Variants in METTL14 observed in about 807,000 individuals in gnomAD.
METTL14 encodes the protein methyltransferase 14, N6-adenosine-methyltransferase non-catalytic subunit.
Under a neutral mutation model 62.4 loss-of-function variants are expected in METTL14, and 32 were observed. That is an observed-to-expected ratio of 0.51 (90% CI 0.39 to 0.69). METTL14 has a LOEUF of 0.69. Ranked by LOEUF, METTL14 falls within the 30% of genes least tolerant of loss-of-function variation. METTL14 has a pLI of 0.00. For missense variants in METTL14, 340 were observed against 551.9 expected (o/e 0.62, Z 3.85); for synonymous variants, 150 against 180.0 (o/e 0.83, Z 1.34).
Position 118,696,811 on chromosome 4 carries a change from A to G in METTL14, c.504-371A>G, listed in dbSNP as rs552435800. Among the ~76,000 whole-genome samples, 341 of 152,286 alleles carry G rather than the reference A, an allele frequency of 2.2e-3. 3 individuals are homozygous for G. Among genetic ancestry groups the G allele is most frequent in the African/African-American group, 7.9e-3 (328 of 41,562 alleles). On this transcript the variant is annotated intron_variant, in intron 6 of 10. Coordinates refer to ENST00000388822, the MANE Select transcript of METTL14 (RefSeq NM_020961.4). ...GAACAATTGAGAATAAAACAATGTG[A>G]TATTCCTTAGAAAATTCAGATGAGA...
intron 7 of METTL14, 59 bp from the exon 8 acceptor site, chr4:118,700,491 G>A (rs1724556298): frequency 7.4e-7 from 1 of 1,345,528 alleles, no homozygotes; most frequent in Non-Finnish European, 1.1e-6. Context: ...TGTTCTTTTG[G>A]ATTTAGGATG....
At position 118,705,245 on chromosome 4, in the gene METTL14, TA is replaced by T. The variant is rs1724719428; in HGVS notation, c.856-365del. Reference sequence around the variant, plus strand: ...ATCCCAGCACTTTGGGAGGCCGAGGTAGGTAGACCACTTGAGCCCAGGAATT... The same window carrying T: ...ATCCCAGCACTTTGGGAGGCCGAGGTGGTAGACCACTTGAGCCCAGGAATT... On this transcript the variant is annotated intron_variant, in intron 9 of 10. Coordinates refer to ENST00000388822, the MANE Select transcript of METTL14 (RefSeq NM_020961.4). Among the ~76,000 whole-genome samples, 3 of 151,996 alleles carry T rather than the reference TA, an allele frequency of 2.0e-5. No individual in the cohort carries two copies. In the South Asian group the frequency reaches 6.2e-4, roughly 32 times the overall value.
chr4:118,705,146 A>G lies in METTL14; in HGVS notation c.856-465A>G, dbSNP rs568577512. On this transcript the variant is annotated intron_variant, in intron 9 of 10. Transcript: ENST00000388822. ...TTTACATGGCAGTCTTTCCTCATCCAGAGATCCAGGTTTTCCTGTTGTTTT... is the reference window on the plus strand; with the variant it reads ...TTTACATGGCAGTCTTTCCTCATCCGGAGATCCAGGTTTTCCTGTTGTTTT... Among the ~76,000 whole-genome samples the G allele has an allele frequency of 2.0e-5, 3 of 152,280 alleles. No individual in the cohort carries two copies. In the South Asian group the frequency reaches 6.2e-4, roughly 32 times the overall value.
chr4:118,685,727 C>G, intron 1 of METTL14, 127 bp downstream of exon 1: 1 of 775,132 alleles, frequency 1.3e-6, no homozygotes, highest in Non-Finnish European at 2.2e-6. Context: ...TCTGGTCCTG[C>G]GATCTTGATC....
rs1274180472 is a variant in METTL14 at position 118,691,989 on chromosome 4, G to T, written c.333G>T (p.Gln111His). 6.2e-7 allele frequency: 1 copy of T among 1,605,598 alleles called. No individual in the cohort carries two copies. The highest frequency in any genetic ancestry group is 8.5e-7 in the Non-Finnish European group (1 of 1,175,188). The change falls in exon 5 of 11, where the codon CAG becomes CAT. Residue 111 changes from glutamine to histidine, a missense_variant. Physicochemically the swap from Gln to His is conservative, Grantham distance 24 (BLOSUM62 0). Around this residue, in one of 7 missense-constraint regions of METTL14, gnomAD observed 16 missense variants for 70.3 expected, o/e 0.23. Transcript: ENST00000388822. ...KDSSTFLKGT[Q>H]SLNPHNDYCQ... ...TTTGTTTTTTAATTTAGGGAACACA[G>T]AGCTTAAATCCCCATAATGATTACT...
chr4:118,709,847 C>T, intron 10 of METTL14, 151 bp from the exon 11 acceptor site: 1 of 720,870 alleles, frequency 1.4e-6, no homozygotes, highest in South Asian at 2.2e-5. Context: ...AAAACATGAC[C>T]ACAATTAAGT....
chr4:118,687,561 T>A (rs932037110), intron 1 of METTL14, among the ~76,000 whole-genome samples: 6 of 152,232 alleles, frequency 3.9e-5, no homozygotes, highest in African/African-American at 1.4e-4. Context: ...AAACCCATCA[T>A]AAGTGGAAAA....
chr4:118,705,514 A>T lies in METTL14; in HGVS notation c.856-97A>T, dbSNP rs901176590. On this transcript the variant is annotated intron_variant, in intron 9 of 10. Transcript: ENST00000388822. ...AACTGTATCCCAAAGATTCCGAGAA[A>T]TGAGGATTGTTTTAGAATTGAGGAC... 12 of 976,654 alleles carry T rather than the reference A, an allele frequency of 1.2e-5. No homozygotes were observed. In the African/African-American group the frequency reaches 1.8e-4, roughly 15 times the overall value. The allele number at this position is 976,654 out of a possible 1,614,324, so 60.5% of individuals were successfully genotyped here.
At chr4:118,696,009 C>A (rs1724397558) in intron 6 of METTL14, among the ~76,000 whole-genome samples, 1 of 145,812 alleles carries the variant, frequency 6.9e-6, no homozygotes, top group Non-Finnish European at 1.5e-5. Context: ...ATTCGGGAGG[C>A]AGAGGCTGAG....
chr4:118,712,963 G>A lies in METTL14; in HGVS notation c.*2661G>A, dbSNP rs1420649582. 6.6e-6 allele frequency: 1 copy of A among 152,142 alleles called. No individual in the cohort carries two copies. Among genetic ancestry groups the A allele is most frequent in the East Asian group, 1.9e-4 (1 of 5,178 alleles). 9.4% of individuals were successfully genotyped at this position (152,142 alleles called of 1,614,324 possible). ...TCAGGAGAACAGATTTTATGGTGTGGAATACCATACCTAAACACAAATGAA... is the reference window on the plus strand; with the variant it reads ...TCAGGAGAACAGATTTTATGGTGTGAAATACCATACCTAAACACAAATGAA... On this transcript the variant is annotated 3_prime_UTR_variant, in exon 11 of 11. Coordinates refer to ENST00000388822, the MANE Select transcript of METTL14 (RefSeq NM_020961.4).
intron 6 of METTL14, among the ~76,000 whole-genome samples, chr4:118,694,863 G>T (rs1468486489): frequency 1.3e-5 from 2 of 151,832 alleles, no homozygotes; most frequent in Non-Finnish European, 2.9e-5. Flanking sequence ...GTGTAGTGGC[G>T]CAATCTTGGC....
chr4:118,710,235 G>C lies in METTL14; in HGVS notation c.1304G>C (p.Arg435Pro). The C allele has an allele frequency of 3.7e-6, 6 of 1,614,170 alleles. No homozygotes were observed. The highest frequency in any genetic ancestry group is 5.1e-6 in the Non-Finnish European group (6 of 1,180,022). The change falls in exon 11 of 11, where the codon CGA becomes CCA. Residue 435 changes from arginine (R) to proline (P), a missense_variant. Arg to Pro is a moderately radical substitution (Grantham distance 103). This residue lies in a region of METTL14 where 44 missense variants were observed against 56.4 expected (regional missense o/e 0.78). Transcript: ENST00000388822. ...RGRERNRSNF[R>P]GERGGFRGGR... ...CGAGAAAGAAATAGATCTAACTTCCGAGGAGAAAGAGGTGGCTTTAGAGGG... is the reference window on the plus strand; with the variant it reads ...CGAGAAAGAAATAGATCTAACTTCCCAGGAGAAAGAGGTGGCTTTAGAGGG...
intron 1 of METTL14, 72 bp downstream of exon 1, chr4:118,685,672 C>A: frequency 1.5e-6 from 2 of 1,347,968 alleles, no homozygotes; most frequent in South Asian, 2.5e-5. Context: ...CCCTCCACAC[C>A]CCGCCTTTTT....
chr4:118,702,862 T>A (rs1228443834), intron 8 of METTL14, among the ~76,000 whole-genome samples: 1 of 150,340 alleles, frequency 6.7e-6, no homozygotes, highest in Admixed American at 6.6e-5. Context: ...TTTTATACTC[T>A]ATCTTTTTTT....
chr4:118,689,852 A>T (rs1724190526), intron 3 of METTL14, among the ~76,000 whole-genome samples: 1 of 150,524 alleles, frequency 6.6e-6, no homozygotes, highest in African/African-American at 2.4e-5. Context: ...GTTGGCCAGG[A>T]TGGTCTTGAT....
rs1331198099 is a variant in METTL14 at position 118,712,228 on chromosome 4, TATTC to T, written c.*1930_*1933del. 2.0e-5 allele frequency: 3 copies of T among 152,238 alleles called. No individual in the cohort carries two copies. The highest frequency in any genetic ancestry group is 4.4e-5 in the Non-Finnish European group (3 of 68,042). 9.4% of individuals were successfully genotyped at this position (152,238 alleles called of 1,614,324 possible). On this transcript the variant is annotated 3_prime_UTR_variant, in exon 11 of 11. Transcript: ENST00000388822. The stretch of plus-strand genomic sequence containing the variant: ...AGGTGTTGTTTTTGCAATGACTGTG[TATTC>T]ATTGAGGAAAGGTTTCCAATGAAAT...
intron 8 of METTL14, among the ~76,000 whole-genome samples, chr4:118,700,901 G>T (rs1724569426): frequency 1.3e-5 from 2 of 152,138 alleles, no homozygotes; most frequent in Non-Finnish European, 2.9e-5. Context: ...ACAGCTTAAA[G>T]ATTTGAAACT....
intron 5 of METTL14, 127 bp downstream of exon 5, chr4:118,692,195 C>T: frequency 6.7e-6 from 4 of 592,992 alleles, no homozygotes; most frequent in South Asian, 2.4e-5. Flanking sequence ...GTTCTCAGTG[C>T]TTCTGGTATA....
intron 7 of METTL14, among the ~76,000 whole-genome samples, chr4:118,700,231 T>G (rs1382795282): frequency 6.6e-6 from 1 of 152,152 alleles, no homozygotes; most frequent in African/African-American, 2.4e-5. Context: ...GATAAAAGAT[T>G]GCTGGAGAAT....
Sources: gnomAD v4.1 joint callset for allele counts (sites outside exome capture counted in the v4.1 genomes callset) on GRCh38, gnomAD v4.1.1 for gene constraint, gnomAD v4.1.1 regional missense constraint, MANE v1.5 for transcripts, NCBI Gene and HGNC (gene_info 2026-07-23, HGNC 2026-07-21) for gene names.